CCDC171: variants seen among roughly 807,000 people sequenced by gnomAD.
CCDC171 encodes the protein coiled-coil domain containing 171, also known as coiled-coil domain-containing protein 171.
CCDC171 carries 177 observed loss-of-function variants against 168.2 expected under a neutral mutation model. The ratio of observed to expected loss-of-function variants is 1.05; its 90% CI spans 0.93 to 1.19. CCDC171 has a LOEUF of 1.19. Among genes scored for constraint, CCDC171 ranks in the 50% most tolerant of loss-of-function variants. The probability of loss-of-function intolerance (pLI) is 0.00; values close to 1 mark genes in which losing one functional copy is unlikely to be tolerated. For synonymous variants in CCDC171, 687 were observed against 540.8 expected (o/e 1.27, Z -3.75); for missense variants, 1,991 against 1,539.0 (o/e 1.29, Z -4.91).
intron 23 of CCDC171, among the ~76,000 whole-genome samples, chr9:15,854,255 T>G (rs1177403423): frequency 6.6e-6 from 1 of 151,532 alleles, no homozygotes; most frequent in Non-Finnish European, 1.5e-5. Context: ...GGAAGTTTTT[T>G]GATACTGATT....
chr9:15,645,217 TCA>T (rs1364635280), intron 7 of CCDC171, among the ~76,000 whole-genome samples: 1 of 152,046 alleles, frequency 6.6e-6, no homozygotes, highest in Non-Finnish European at 1.5e-5. Flanking sequence ...GAAAGGACAT[TCA>T]CACCAAAACC....
chr9:15,570,705 C>A (rs946063846), intron 2 of CCDC171, among the ~76,000 whole-genome samples: 1 of 152,192 alleles, frequency 6.6e-6, no homozygotes, highest in African/African-American at 2.4e-5. Context: ...GAAGACACTT[C>A]CAATTTCTGC....
chr9:15,669,702 G>T (rs1185784978), intron 9 of CCDC171, among the ~76,000 whole-genome samples: 1 of 152,094 alleles, frequency 6.6e-6, no homozygotes, highest in Non-Finnish European at 1.5e-5. Flanking sequence ...CTTAGGTATA[G>T]TTGAAACATA....
intron 23 of CCDC171, among the ~76,000 whole-genome samples, chr9:15,853,269 G>C (rs924097514): frequency 2.6e-5 from 4 of 151,436 alleles, no homozygotes; most frequent in Non-Finnish European, 4.4e-5. Context: ...GATGTTTTGT[G>C]GTTTTCAGTG....
intron 1 of CCDC171, among the ~76,000 whole-genome samples, chr9:16,048,335 G>T (rs1034461017): frequency 2.0e-5 from 3 of 152,214 alleles, no homozygotes; most frequent in African/African-American, 7.2e-5. Context: ...CAGACTGATG[G>T]GCCTCTCTCT....
intron 11 of CCDC171, among the ~76,000 whole-genome samples, chr9:15,702,431 C>G (rs539577252): frequency 6.6e-6 from 1 of 152,096 alleles, no homozygotes; most frequent in African/African-American, 2.4e-5. Flanking sequence ...TACTCTCCCT[C>G]TGCTCTATAA....
intron 7 of CCDC171, among the ~76,000 whole-genome samples, chr9:15,634,225 A>G (rs547501944): frequency 2.6e-5 from 4 of 152,244 alleles, no homozygotes; most frequent in African/African-American, 9.6e-5. Context: ...AAGAAAAATA[A>G]TTTAAATTTT....
intron 6 of CCDC171, 61 bp from the exon 7 acceptor site, chr9:15,623,206 G>C: frequency 8.1e-7 from 1 of 1,239,324 alleles, no homozygotes. Context: ...TTCTATTGGA[G>C]TGACTCTTAG....
chr9:15,905,915 A>G (rs1261021819), intron 24 of CCDC171, among the ~76,000 whole-genome samples: 1 of 152,246 alleles, frequency 6.6e-6, no homozygotes, highest in African/African-American at 2.4e-5. Context: ...ATAAACTAGA[A>G]AATCTAGAAG....
chr9:15,746,071 G>T (rs2055253768), intron 18 of CCDC171, among the ~76,000 whole-genome samples: 1 of 152,014 alleles, frequency 6.6e-6, no homozygotes, highest in African/African-American at 2.4e-5. Context: ...TATTTTAGAT[G>T]GAATTAATTT....
At chr9:15,908,423 C>T (rs1823066998) in intron 24 of CCDC171, among the ~76,000 whole-genome samples, 1 of 149,538 alleles carries the variant, frequency 6.7e-6, no homozygotes, top group Admixed American at 6.8e-5. Context: ...CAAAACACTG[C>T]ATGTTCTCAC....
At chr9:15,901,491 A>G (rs1045995248) in intron 24 of CCDC171, among the ~76,000 whole-genome samples, 1 of 152,198 alleles carries the variant, frequency 6.6e-6, no homozygotes, top group Non-Finnish European at 1.5e-5. Flanking sequence ...CTTTTCTGTG[A>G]ACCTAAAATT....
chr9:15,873,287 A>G (rs551713680), intron 23 of CCDC171, among the ~76,000 whole-genome samples: 10 of 152,192 alleles, frequency 6.6e-5, no homozygotes, highest in South Asian at 4.1e-4. Context: ...AAATAATTCA[A>G]ACAGTTTTAC....
chr9:15,800,694 A>G (rs2058780570), intron 21 of CCDC171, among the ~76,000 whole-genome samples: 1 of 151,994 alleles, frequency 6.6e-6, no homozygotes, highest in South Asian at 2.1e-4. Context: ...GCCCAAACCA[A>G]TTTCCTAGAG....
intron 21 of CCDC171, among the ~76,000 whole-genome samples, chr9:15,792,502 A>G (rs2058321055): frequency 6.6e-6 from 1 of 152,148 alleles, no homozygotes; most frequent in African/African-American, 2.4e-5. Context: ...GAGAAGAGCT[A>G]CTCCAAGACA....
At chr9:16,058,928 T>G (rs1833885707) in intron 1 of CCDC171, among the ~76,000 whole-genome samples, 1 of 152,236 alleles carries the variant, frequency 6.6e-6, no homozygotes, top group Non-Finnish European at 1.5e-5. Context: ...TTCTAACTAG[T>G]GTGGTTTCAG....
chr9:15,834,591 A>C (rs759428292), intron 21 of CCDC171, among the ~76,000 whole-genome samples: 1 of 152,238 alleles, frequency 6.6e-6, no homozygotes, highest in Non-Finnish European at 1.5e-5. Flanking sequence ...ATATGACTTT[A>C]TAATGCTTTG....
intron 18 of CCDC171, among the ~76,000 whole-genome samples, chr9:15,746,160 T>A (rs1219881409): frequency 6.6e-6 from 1 of 152,226 alleles, no homozygotes. Context: ...CAAGTTTTTT[T>A]TTATGATTCG....
chr9:15,578,765 C>A, intron 3 of CCDC171, 84 bp from the exon 4 acceptor site: 1 of 1,108,634 alleles, frequency 9.0e-7, no homozygotes, highest in Non-Finnish European at 1.3e-6. Context: ...ATTATGGAAA[C>A]AAGTTTCTCT....
Sources: gnomAD v4.1 joint callset for allele counts (sites outside exome capture counted in the v4.1 genomes callset) on GRCh38, gnomAD v4.1.1 for gene constraint, MANE v1.5 for transcripts, NCBI Gene and HGNC (gene_info 2026-07-23, HGNC 2026-07-21) for gene names.